Variants in UGT1A10 observed in about 807,000 individuals in gnomAD.
UGT1A10 encodes UDP-glucuronosyltransferase 1A10.
In UGT1A10, 49 loss-of-function variants were observed where a neutral mutation model predicts 45.8. The ratio of observed to expected loss-of-function variants is 1.07; its 90% confidence interval spans 0.85 to 1.36. The LOEUF (loss-of-function observed/expected upper bound fraction) is 1.36, where lower values mean the gene tolerates loss of function less well. Ranked by LOEUF, UGT1A10 falls within the 40% of genes most tolerant of loss-of-function variation. UGT1A10 has a pLI of 0.00. For missense variants in UGT1A10, 745 were observed against 668.6 expected, an observed-to-expected ratio of 1.11 and a Z score of -1.26; for synonymous variants, 284 against 249.7, an observed-to-expected ratio of 1.14 and a Z score of -1.29.
intron 1 of UGT1A10, among the ~76,000 whole-genome samples, chr2:233,757,535 A>AATATATATACATATATATATATATATAT (rs376887521): frequency 7.9e-5 from 7 of 88,294 alleles, no homozygotes; most frequent in Non-Finnish European, 1.1e-4. Context: ...GCCTGTAAGG[A>AATATATATACATATATATATATATATAT]ATATATATAT....
intron 1 of UGT1A10, chr2:233,760,484 T>C: frequency 6.2e-7 from 1 of 1,614,248 alleles, no homozygotes; most frequent in Non-Finnish European, 8.5e-7. Flanking sequence ...GACGCCTCGT[T>C]GTACATCAGA....
intron 1 of UGT1A10, among the ~76,000 whole-genome samples, chr2:233,758,754 A>G (rs888171679): frequency 2.0e-5 from 3 of 152,132 alleles, no homozygotes; most frequent in African/African-American, 7.2e-5. Context: ...CTGGCCAGTG[A>G]TGTGTATGGT....
intron 1 of UGT1A10, chr2:233,755,014 G>A (rs1575730324): frequency 1.5e-6 from 2 of 1,293,190 alleles, no homozygotes; most frequent in Non-Finnish European, 2.1e-6. Context: ...TACTCGAAGG[G>A]GTCCTTGAAG....
At chr2:233,648,820 C>T in intron 1 of UGT1A10, 1 of 1,023,214 alleles carries the variant, frequency 9.8e-7, no homozygotes, top group Non-Finnish European at 1.5e-6. Flanking sequence ...CTTAGAGGAG[C>T]ATTTATTTTG....
At chr2:233,682,427 C>T in intron 1 of UGT1A10, 2 of 1,613,826 alleles carry the variant, frequency 1.2e-6, no homozygotes, top group Non-Finnish European at 1.7e-6. Flanking sequence ...TTTCTCCCTC[C>T]CCTCTGTGGT....
intron 1 of UGT1A10, among the ~76,000 whole-genome samples, chr2:233,740,080 C>T (rs1401216325): frequency 3.3e-5 from 5 of 151,794 alleles, no homozygotes; most frequent in African/African-American, 7.3e-5. Flanking sequence ...CTCTGTCTCT[C>T]GCCTGCTGCC....
intron 1 of UGT1A10, chr2:233,649,119 G>T (rs1000531024): frequency 7.0e-5 from 51 of 725,934 alleles, no homozygotes; most frequent in Non-Finnish European, 9.2e-5. Flanking sequence ...ATTTGTGTTT[G>T]TTGCATCTAA....
chr2:233,681,973 A>G (rs768736320), intron 1 of UGT1A10: 7 of 1,613,946 alleles, frequency 4.3e-6, no homozygotes, highest in South Asian at 1.1e-5. Context: ...TCCTTCCCCT[A>G]TATGTGTGTC....
chr2:233,659,380 GC>G (rs1176484669), intron 1 of UGT1A10, among the ~76,000 whole-genome samples: 1 of 152,106 alleles, frequency 6.6e-6, no homozygotes, highest in East Asian at 1.9e-4. Context: ...TATTTGATAT[GC>G]TTTATGTGTT....
intron 1 of UGT1A10, among the ~76,000 whole-genome samples, chr2:233,698,082 T>A (rs1434328705): frequency 6.6e-6 from 1 of 152,220 alleles, no homozygotes; most frequent in Non-Finnish European, 1.5e-5. Context: ...CTCTAATGAA[T>A]GTACTTTTTG....
intron 1 of UGT1A10, chr2:233,672,173 C>T: frequency 6.2e-7 from 1 of 1,614,176 alleles, no homozygotes; most frequent in Non-Finnish European, 8.5e-7. Context: ...TATTCAACTT[C>T]ATATACCCTG....
chr2:233,738,758 A>C (rs1324483464), intron 1 of UGT1A10, among the ~76,000 whole-genome samples: 1 of 152,234 alleles, frequency 6.6e-6, no homozygotes, highest in Non-Finnish European at 1.5e-5. Flanking sequence ...AGAAAAGAAA[A>C]ACCCATTTTA....
At chr2:233,698,798 C>A (rs572322118) in intron 1 of UGT1A10, among the ~76,000 whole-genome samples, 2 of 152,356 alleles carry the variant, frequency 1.3e-5, no homozygotes, top group African/African-American at 4.8e-5. Context: ...AACCTCTGGG[C>A]TCCCAGCCTC....
intron 1 of UGT1A10, among the ~76,000 whole-genome samples, chr2:233,649,748 A>G (rs965457650): frequency 6.6e-6 from 1 of 152,206 alleles, no homozygotes; most frequent in Non-Finnish European, 1.5e-5. Context: ...AGCAGATGTT[A>G]TCTTTCTTTG....
At chr2:233,728,419 C>T (rs1433487219) in intron 1 of UGT1A10, among the ~76,000 whole-genome samples, 2 of 152,142 alleles carry the variant, frequency 1.3e-5, no homozygotes, top group East Asian at 3.9e-4. Flanking sequence ...GATAGCAGCA[C>T]CTCTTCTTCC....
intron 1 of UGT1A10, among the ~76,000 whole-genome samples, chr2:233,642,618 A>C (rs1221448536): frequency 6.6e-6 from 1 of 152,142 alleles, no homozygotes. Context: ...TTAGGTGTTT[A>C]TTGTAGTCTT....
chr2:233,743,056 A>C (rs955838724), intron 1 of UGT1A10: 1 of 325,656 alleles, frequency 3.1e-6, no homozygotes, highest in Non-Finnish European at 6.0e-6. Flanking sequence ...AGTCCCAACG[A>C]TAAGAACAGG....
chr2:233,765,202 C>T (rs139573386), intron 1 of UGT1A10, among the ~76,000 whole-genome samples: 1 of 152,246 alleles, frequency 6.6e-6, no homozygotes, highest in Non-Finnish European at 1.5e-5. Flanking sequence ...CATATTAGTG[C>T]CCTCAGTATT....
intron 1 of UGT1A10, chr2:233,747,578 G>A: frequency 6.3e-7 from 1 of 1,584,344 alleles, no homozygotes; most frequent in Non-Finnish European, 8.7e-7. Flanking sequence ...ATTCATCTTT[G>A]GTCTTTCATA....
Sources: gnomAD v4.1 joint callset for allele counts (sites outside exome capture counted in the v4.1 genomes callset) on GRCh38, gnomAD v4.1.1 for gene constraint, MANE v1.5 for transcripts, NCBI Gene and HGNC (gene_info 2026-07-23, HGNC 2026-07-21) for gene names.